The following DNAH2 variants were observed in gnomAD, a reference collection of about 807,000 sequenced individuals.
DNAH2 encodes axonemal beta dynein heavy chain 2.
Under a neutral mutation model 523.5 loss-of-function variants are expected in DNAH2, and 323 were observed. That is an observed-to-expected ratio of 0.62 (90% confidence interval 0.56 to 0.68). The LOEUF (loss-of-function observed/expected upper bound fraction) is 0.68. DNAH2 is among the 30% of genes least tolerant of loss of function. The pLI is 0.00. For missense variants in DNAH2, 4,907 were observed against 5,701.5 expected (o/e 0.86, Z 4.49); for synonymous variants, 2,093 against 2,177.4 (o/e 0.96, Z 1.08).
intron 12 of DNAH2, chr17:7,743,903 C>G (rs1287465513): frequency 6.6e-6 from 1 of 152,428 alleles, no homozygotes; most frequent in African/African-American, 2.4e-5. Flanking sequence ...TAGTGAGCAC[C>G]TTCCATGTGT....
At chr17:7,818,844 C>T in intron 70 of DNAH2, 68 bp downstream of exon 70, 1 of 1,609,830 alleles carries the variant, frequency 6.2e-7, no homozygotes, top group Non-Finnish European at 8.5e-7. Flanking sequence ...CCCAGTCTAC[C>T]CCAGGCACAA....
chr17:7,797,156 A>G lies in DNAH2; in HGVS notation c.7864-20A>G. 2 of 1,605,894 alleles carry G rather than the reference A, an allele frequency of 1.2e-6. No homozygotes were observed. The highest frequency in any genetic ancestry group is 8.5e-7 in the Non-Finnish European group (1 of 1,173,428). ...GGAATCTTTTTGCTCCCTGGTCCCA[A>G]CAGTCAGTCCTCTTCCCAGGTGTTC... is the stretch of plus-strand genomic sequence containing the variant. On this transcript the variant is annotated intron_variant, in intron 50 of 85. Transcript: ENST00000572933.
intron 63 of DNAH2, among the ~76,000 whole-genome samples, chr17:7,815,059 G>T (rs1251599273): frequency 6.6e-6 from 1 of 152,194 alleles, no homozygotes; most frequent in Non-Finnish European, 1.5e-5. Flanking sequence ...CTGGTGATCT[G>T]CCTGCCTTGG....
chr17:7,826,385 G>A (rs1029973220), intron 77 of DNAH2, among the ~76,000 whole-genome samples: 2 of 152,108 alleles, frequency 1.3e-5, no homozygotes, highest in Admixed American at 6.5e-5. Flanking sequence ...TTGCCAGTTT[G>A]GGATATAGTC....
At chr17:7,722,011 T>G (rs1250808111) in intron 2 of DNAH2, among the ~76,000 whole-genome samples, 3 of 152,178 alleles carry the variant, frequency 2.0e-5, no homozygotes, top group Non-Finnish European at 4.4e-5. Context: ...TTATTTTTAT[T>G]TTTTGGAGAC....
In DNAH2 at chr17:7,780,893, C is replaced by G; in HGVS notation, c.6003+111C>G. On this transcript the variant is annotated intron_variant, in intron 38 of 85. Coordinates refer to ENST00000572933, the MANE Select transcript of DNAH2 (RefSeq NM_020877.5). This position sits in a 1 kb window ranked among gnomAD's most constrained non-coding sequence, Gnocchi z 4.4. ...TCCTCAGATTGGGATTCTCACCTTC[C>G]CACCTCGTCCCATCCCCGTGTTGCC... 6.3e-7 allele frequency: 1 copy of G among 1,579,068 alleles called. No homozygotes were observed. Among genetic ancestry groups the G allele is most frequent in the Non-Finnish European group, 8.6e-7 (1 of 1,158,890 alleles).
chr17:7,824,119 A>C lies in DNAH2; in HGVS notation c.11479-2A>C. On this transcript the variant is annotated splice_acceptor_variant, in intron 75 of 85. Transcript: ENST00000572933. LOFTEE classifies it high-confidence loss of function. Reference sequence around the variant, plus strand: ...CTGATGCTATACCTGTGCTTCTGGCAGGTGCTGGAGGATTCAACCCCACGA... The same window carrying C: ...CTGATGCTATACCTGTGCTTCTGGCCGGTGCTGGAGGATTCAACCCCACGA... 6.4e-7 allele frequency: 1 copy of C among 1,556,682 alleles called. No homozygotes were observed. Among genetic ancestry groups the C allele is most frequent in the Non-Finnish European group, 8.7e-7 (1 of 1,153,396 alleles).
Position 7,798,951 on chromosome 17 carries a change from G to C in DNAH2, c.8560-152G>C. On this transcript the variant is annotated intron_variant, in intron 55 of 85. Transcript: ENST00000572933. This position sits in a 1 kb window ranked among gnomAD's most constrained non-coding sequence, Gnocchi z 5.5. ...CTTGAGCTTGTAGTTCCAGCTACTC[G>C]GGGGTGGGGGGTGCTGAAGTGGGAG... 1 of 1,197,010 alleles carries C rather than the reference G, an allele frequency of 8.4e-7. No individual in the cohort carries two copies. The highest frequency in any genetic ancestry group is 1.2e-6 in the Non-Finnish European group (1 of 865,096). 74.1% of individuals were successfully genotyped at this position (1,197,010 alleles called of 1,614,324 possible).
In DNAH2 at chr17:7,807,487, T is replaced by G; in HGVS notation, c.9630T>G (p.Tyr3210Ter). The change falls in exon 63 of 86, where the codon TAT becomes TAG. Residue 3210 changes from tyrosine (Y) to a stop codon, truncating the protein, a stop_gained. Coordinates refer to ENST00000572933, the MANE Select transcript of DNAH2 (RefSeq NM_020877.5). LOFTEE classifies it high-confidence loss of function. This position sits in a 1 kb window ranked among gnomAD's most constrained non-coding sequence, Gnocchi z 5.6. ...CCCCACAGCTGTATGGGCGGCTATA[T>G]CGGGTGGTGGAGCCCAAGCGAATCC... ...VRAMELYGRLYRVVEPKRIRM... is the reference protein window; with the variant it reads ...VRAMELYGRL 6.2e-7 allele frequency: 1 copy of G among 1,613,570 alleles called. No homozygotes were observed. The highest frequency in any genetic ancestry group is 8.5e-7 in the Non-Finnish European group (1 of 1,180,024).
chr17:7,786,252 G>C lies in DNAH2; in HGVS notation c.6258G>C (p.Thr2086=), dbSNP rs934551080. The C allele has an allele frequency of 7.4e-6, 12 of 1,613,930 alleles. No homozygotes were observed. Among genetic ancestry groups the C allele is most frequent in the Non-Finnish European group, 1.0e-5 (12 of 1,180,020 alleles). The change falls in exon 40 of 86, where the codon ACG becomes ACC. Residue 2086 remains threonine (T), a synonymous_variant. Transcript: ENST00000572933. The surrounding 1 kb of genome is among the most constrained non-coding windows in gnomAD (Gnocchi z 7.5). ...ACTCCACCATGATCGTGGGCTGCACGGGCAGCGGCAAGACTGCCTCATGGC... is the reference window on the plus strand; with the variant it reads ...ACTCCACCATGATCGTGGGCTGCACCGGCAGCGGCAAGACTGCCTCATGGC... The part of the protein sequence containing the change: ...SRHSTMIVGC[T]GSGKTASWRI...
At chr17:7,827,802 C>T (rs1031132699) in intron 77 of DNAH2, among the ~76,000 whole-genome samples, 8 of 151,958 alleles carry the variant, frequency 5.3e-5, no homozygotes, top group African/African-American at 1.7e-4. Context: ...TCAAATACTG[C>T]GAAAGTACTT....
chr17:7,817,902 C>A (rs199846003), intron 67 of DNAH2, 44 bp from the exon 68 acceptor site: 9 of 1,614,006 alleles, frequency 5.6e-6, no homozygotes, highest in Non-Finnish European at 7.6e-6. Flanking sequence ...CCTGAGGCCC[C>A]ACCTCTCCCG....
chr17:7,726,992 A>G, intron 3 of DNAH2, 130 bp from the exon 4 acceptor site: 3 of 949,884 alleles, frequency 3.2e-6, no homozygotes, highest in Non-Finnish European at 4.4e-6. Context: ...GCTATCTTTC[A>G]GTTTCTCCTA....
rs191330318 is a variant in DNAH2 at position 7,776,193 on chromosome 17, C to T, written c.4947+44C>T. ...AAGTGAGGGAACAAGGGGCTGGGCA[C>T]GGTGGCTCACGCCTGTAATCCCAGC... On this transcript the variant is annotated intron_variant, in intron 31 of 85. Coordinates refer to ENST00000572933, the MANE Select transcript of DNAH2 (RefSeq NM_020877.5). The T allele has an allele frequency of 5.6e-4, 897 of 1,599,522 alleles. 7 individuals are homozygous for T. The East Asian group carries it at 0.014, about 25-fold the overall frequency.
rs2077404752 is a variant in DNAH2, at chr17:7,807,675, C to T, written c.9729+89C>T. 3.4e-6 allele frequency: 4 copies of T among 1,161,322 alleles called. No individual in the cohort carries two copies. The Admixed American group carries it at 5.4e-5, about 16-fold the overall frequency. The allele number at this position is 1,161,322 out of a possible 1,614,324, so 71.9% of individuals were successfully genotyped here. A position where few individuals can be genotyped will look rare whatever the true frequency, so the allele number is the denominator to read the frequency against. Reference sequence around the variant, plus strand: ...AGCATTTGTTTTCCCCCATCTAATTCTAGCCCCCTTCCCCATGTCCTGTGC... The same window carrying T: ...AGCATTTGTTTTCCCCCATCTAATTTTAGCCCCCTTCCCCATGTCCTGTGC... On this transcript the variant is annotated intron_variant, in intron 63 of 85. Coordinates refer to ENST00000572933, the MANE Select transcript of DNAH2 (RefSeq NM_020877.5). This position sits in a 1 kb window ranked among gnomAD's most constrained non-coding sequence, Gnocchi z 5.6.
chr17:7,816,295 TA>T (rs759259632), intron 63 of DNAH2, among the ~76,000 whole-genome samples: 1 of 118,458 alleles, frequency 8.4e-6, no homozygotes, highest in Non-Finnish European at 2.1e-5. Flanking sequence ...CCTACCCAGC[TA>T]CCCTGAAACT....
intron 63 of DNAH2, among the ~76,000 whole-genome samples, chr17:7,808,767 G>A (rs528462481): frequency 2.8e-4 from 42 of 152,098 alleles, no homozygotes; most frequent in African/African-American, 9.2e-4. Context: ...CCGCCACCAC[G>A]CCCGGCTGAT....
At chr17:7,806,134 C>A (rs1395375253) in intron 61 of DNAH2, among the ~76,000 whole-genome samples, 1 of 152,094 alleles carries the variant, frequency 6.6e-6, no homozygotes, top group Admixed American at 6.6e-5. Flanking sequence ...GTACAGTGTT[C>A]AATACATTAC....
Position 7,797,185 on chromosome 17 carries a change from G to T in DNAH2, c.7873G>T (p.Gly2625Cys). The T allele has an allele frequency of 6.2e-7, 1 of 1,613,570 alleles. No individual in the cohort carries two copies. Residue 2625 changes from glycine (G) to cysteine (C), a missense_variant, in exon 51 of 86, where the codon GGC (glycine) becomes TGC (cysteine). Around this residue, in one of 3 missense-constraint regions of DNAH2, gnomAD observed 250 missense variants for 371.3 expected, o/e 0.67. Transcript: ENST00000572933. Reference sequence around the variant, plus strand: ...TCAGTCCTCTTCCCAGGTGTTCCAGGGCATGCTTAGAGCCAACAAGGACTT... The same window carrying T: ...TCAGTCCTCTTCCCAGGTGTTCCAGTGCATGCTTAGAGCCAACAAGGACTT... The part of the protein sequence containing the change: ...NLRDISKVFQ[G>C]MLRANKDFHD...
Sources: gnomAD v4.1 joint callset for allele counts (sites outside exome capture counted in the v4.1 genomes callset) on GRCh38, gnomAD v4.1.1 for gene constraint, gnomAD v4.1.1 regional missense constraint, Gnocchi (gnomAD v3.1) non-coding constraint, MANE v1.5 for transcripts, NCBI Gene and HGNC (gene_info 2026-07-23, HGNC 2026-07-21) for gene names.